INO80D: variants seen among roughly 807,000 people sequenced by gnomAD.
INO80D encodes the protein INO80 complex subunit D.
Under a neutral mutation model 87.6 loss-of-function variants are expected in INO80D, and 21 were observed. The observed-to-expected ratio is 0.24, with a 90% CI of 0.17 to 0.35. The LOEUF (loss-of-function observed/expected upper bound fraction) is 0.35. Among genes scored for constraint, INO80D ranks in the 10% least tolerant of loss-of-function variants. The pLI is 1.00. For synonymous variants in INO80D, 440 were observed against 491.0 expected, an observed-to-expected ratio of 0.90 and a Z score of 1.37; for missense variants, 982 against 1,280.7, an observed-to-expected ratio of 0.77 and a Z score of 3.56.
intron 6 of INO80D, among the ~76,000 whole-genome samples, chr2:206,022,921 G>A (rs1339676941): frequency 6.6e-6 from 1 of 152,140 alleles, no homozygotes; most frequent in East Asian, 1.9e-4. Flanking sequence ...GATCCAGGCC[G>A]GGCGCAGTGG....
chr2:206,060,719 C>A (rs932438367), intron 3 of INO80D, among the ~76,000 whole-genome samples: 15 of 151,938 alleles, frequency 9.9e-5, no homozygotes, highest in African/African-American at 3.6e-4. Flanking sequence ...TGCCACCACA[C>A]CCGGCTAATT....
chr2:206,026,668 T>A (rs1230368115), intron 6 of INO80D, among the ~76,000 whole-genome samples: 1 of 149,400 alleles, frequency 6.7e-6, no homozygotes, highest in Non-Finnish European at 1.5e-5. Context: ...ATAACAGATA[T>A]TTTATATTTA....
chr2:206,042,557 C>T (rs1181975095), intron 5 of INO80D, among the ~76,000 whole-genome samples: 1 of 151,810 alleles, frequency 6.6e-6, no homozygotes, highest in Non-Finnish European at 1.5e-5. Flanking sequence ...TGGCTGGCGC[C>T]TGTAATCCTG....
intron 6 of INO80D, among the ~76,000 whole-genome samples, chr2:206,027,142 GCACGCGCGCACGCGCA>G (rs1688636413): frequency 9.2e-6 from 1 of 108,918 alleles, no homozygotes; most frequent in African/African-American, 3.1e-5. Context: ...ATTTACACAC[GCACGCGCGCACGCGCA>G]CACACACACA....
intron 3 of INO80D, among the ~76,000 whole-genome samples, chr2:206,060,983 T>C (rs1002730715): frequency 6.6e-6 from 1 of 152,168 alleles, no homozygotes; most frequent in Non-Finnish European, 1.5e-5. Flanking sequence ...AGAGAATATT[T>C]TGAAGAGATT....
At chr2:206,047,946 G>T (rs1689243061) in intron 4 of INO80D, among the ~76,000 whole-genome samples, 1 of 150,970 alleles carries the variant, frequency 6.6e-6, no homozygotes, top group African/African-American at 2.4e-5. Flanking sequence ...CGCCTCCTGG[G>T]TTCACGCCAT....
intron 4 of INO80D, among the ~76,000 whole-genome samples, chr2:206,048,796 A>T (rs547124972): frequency 6.6e-6 from 1 of 152,322 alleles, no homozygotes; most frequent in South Asian, 2.1e-4. Context: ...CAGGAGACTG[A>T]GGCAGGAGGA....
At position 206,002,418 on chromosome 2, in the gene INO80D, G is replaced by C. The variant is rs1209528588; in HGVS notation, c.*1950C>G. On this transcript the variant is annotated 3_prime_UTR_variant, in exon 11 of 11. Transcript: ENST00000403263. Reference sequence around the variant, plus strand: ...TTATAATTTAGAAATTTTGCACTCTGCAAAAAAGGCAAAGCTATTAAAAAT... The same window carrying C: ...TTATAATTTAGAAATTTTGCACTCTCCAAAAAAGGCAAAGCTATTAAAAAT... The C allele has an allele frequency of 1.3e-5, 2 of 152,092 alleles. No individual in the cohort carries two copies. The highest frequency in any genetic ancestry group is 2.4e-5 in the African/African-American group (1 of 41,490). 9.4% of individuals were successfully genotyped at this position (152,092 alleles called of 1,614,324 possible).
chr2:206,025,370 A>C (rs1688578669), intron 6 of INO80D, among the ~76,000 whole-genome samples: 1 of 150,986 alleles, frequency 6.6e-6, no homozygotes, highest in African/African-American at 2.4e-5. Context: ...TCTACTAAAA[A>C]TACAAAAATT....
At chr2:206,036,812 T>C (rs750138133) in intron 5 of INO80D, among the ~76,000 whole-genome samples, 5 of 152,194 alleles carry the variant, frequency 3.3e-5, no homozygotes, top group Non-Finnish European at 7.4e-5. Flanking sequence ...CTGAGGCACG[T>C]TACATGATTA....
intron 4 of INO80D, 83 bp downstream of exon 4, chr2:206,056,115 G>T: frequency 3.7e-6 from 5 of 1,351,484 alleles, no homozygotes; most frequent in Admixed American, 4.6e-5. Context: ...CACATATGGG[G>T]TAATTATGAA....
chr2:206,014,265 A>G (rs1216249481), intron 8 of INO80D, among the ~76,000 whole-genome samples: 1 of 152,236 alleles, frequency 6.6e-6, no homozygotes, highest in Non-Finnish European at 1.5e-5. Flanking sequence ...TTTAGTATAC[A>G]AATTTTTCAA....
rs373127950 is a variant in INO80D, at chr2:206,056,217, A to G, written c.945T>C (p.Thr315=). 6 of 1,587,702 alleles carry G rather than the reference A, an allele frequency of 3.8e-6. No homozygotes were observed. The African/African-American group carries it at 6.7e-5, about 18-fold the overall frequency. The change falls in exon 4 of 11, where the codon ACT becomes ACC. Residue 315 remains threonine, a synonymous_variant. Transcript: ENST00000403263. Reference sequence around the variant, plus strand: ...ACTCACCTAAATGGGGAAACAGATCAGTGTCCAACTGATGTTTCTGGGTGC... The same window carrying G: ...ACTCACCTAAATGGGGAAACAGATCGGTGTCCAACTGATGTTTCTGGGTGC... ...KLCTQKHQLD[T]DLFPHLGLDW...
chr2:206,000,612 C>T lies in INO80D; in HGVS notation c.*3756G>A, dbSNP rs1309780908. The T allele has an allele frequency of 1.3e-5, 2 of 152,040 alleles. No individual in the cohort carries two copies. The highest frequency in any genetic ancestry group is 6.6e-5 in the Admixed American group (1 of 15,250). 9.4% of individuals were successfully genotyped at this position (152,040 alleles called of 1,614,324 possible). ...TTCCTAATCAAAGAGTTGTCTTTGC[C>T]ACTGTGGACTGTGATCACAGATTGA... On this transcript the variant is annotated 3_prime_UTR_variant, in exon 11 of 11. Coordinates refer to ENST00000403263, the MANE Select transcript of INO80D (RefSeq NM_017759.5).
chr2:206,046,642 GAA>G (rs1314380217), intron 4 of INO80D, 30 bp from the exon 5 acceptor site: 3 of 1,420,746 alleles, frequency 2.1e-6, no homozygotes, highest in Non-Finnish European at 2.0e-6. Context: ...TTGCAAATTA[GAA>G]AAAGTTTACT....
rs558605503 is a variant in INO80D at position 205,997,326 on chromosome 2, A to G, written c.*7042T>C. 1.1e-4 allele frequency: 16 copies of G among 152,234 alleles called. No homozygotes were observed. In the East Asian group the frequency reaches 1.3e-3, roughly 13 times the overall value. The allele number at this position is 152,234 out of a possible 1,614,324, so 9.4% of individuals were successfully genotyped here. ...GATGGGAGCACTCTTAAGTTAATAAATAACAGCAGAACTGAGTAAAAGTTT... is the reference window on the plus strand; with the variant it reads ...GATGGGAGCACTCTTAAGTTAATAAGTAACAGCAGAACTGAGTAAAAGTTT... On this transcript the variant is annotated 3_prime_UTR_variant, in exon 11 of 11. Coordinates refer to ENST00000403263, the MANE Select transcript of INO80D (RefSeq NM_017759.5).
intron 5 of INO80D, among the ~76,000 whole-genome samples, chr2:206,029,714 T>C (rs1688711023): frequency 6.6e-6 from 1 of 152,240 alleles, no homozygotes; most frequent in African/African-American, 2.4e-5. Flanking sequence ...TGAAGGACTT[T>C]ACTTCAATCT....
chr2:206,017,014 T>C (rs573973602), intron 8 of INO80D, among the ~76,000 whole-genome samples: 2 of 152,144 alleles, frequency 1.3e-5, no homozygotes, highest in African/African-American at 4.8e-5. Context: ...ATCACACACA[T>C]TGAGACTGAG....
intron 1 of INO80D, among the ~76,000 whole-genome samples, chr2:206,074,258 CAA>C (rs577925539): frequency 2.6e-5 from 4 of 152,158 alleles, no homozygotes; most frequent in Non-Finnish European, 4.4e-5. Context: ...AGAAAATACT[CAA>C]GTCTCACTTG....
Sources: allele counts gnomAD v4.1 joint callset (sites outside exome capture counted in the v4.1 genomes callset), GRCh38; gene constraint gnomAD v4.1.1; transcripts MANE v1.5; gene names NCBI Gene and HGNC (gene_info 2026-07-23, HGNC 2026-07-21).